The following KDM4B variants were observed in gnomAD, a reference collection of about 807,000 sequenced individuals.
KDM4B encodes lysine-specific demethylase 4B.
In KDM4B, 32 loss-of-function variants were observed where a neutral mutation model predicts 125.2. The ratio of observed to expected loss-of-function variants is 0.26; its 90% confidence interval spans 0.19 to 0.34. The LOEUF (loss-of-function observed/expected upper bound fraction) is 0.34, where lower values mean the gene tolerates loss of function less well. Among genes scored for constraint, KDM4B ranks in the 10% least tolerant of loss-of-function variants. The pLI is 1.00. For missense variants in KDM4B, 1,190 were observed against 1,577.7 expected, an observed-to-expected ratio of 0.75 and a Z score of 4.16; for synonymous variants, 721 against 677.9, an observed-to-expected ratio of 1.06 and a Z score of -0.99.
At chr19:5,048,605 G>C (rs536021031) in intron 6 of KDM4B, among the ~76,000 whole-genome samples, 12 of 152,226 alleles carry the variant, frequency 7.9e-5, no homozygotes, top group East Asian at 3.9e-4. Flanking sequence ...CGGGGAGAGG[G>C]GGGGGCGGGG....
intron 2 of KDM4B, among the ~76,000 whole-genome samples, chr19:5,022,838 G>C (rs1178838695): frequency 6.6e-6 from 1 of 152,016 alleles, no homozygotes; most frequent in Non-Finnish European, 1.5e-5. Context: ...GGGGGGCTTG[G>C]AGGGATGTGG....
intron 2 of KDM4B, among the ~76,000 whole-genome samples, chr19:5,023,148 G>C (rs751207077): frequency 6.7e-5 from 10 of 150,228 alleles, no homozygotes; most frequent in Non-Finnish European, 1.2e-4. Flanking sequence ...GTGAGAGTCA[G>C]AGAGAGGCTG....
At chr19:5,069,083 T>TTATG (rs1281089359) in intron 6 of KDM4B, among the ~76,000 whole-genome samples, 1 of 152,164 alleles carries the variant, frequency 6.6e-6, no homozygotes, top group Non-Finnish European at 1.5e-5. Flanking sequence ...TTTCTCATCT[T>TTATG]TATGTAAATC....
At chr19:5,124,368 G>T (rs530769906) in intron 11 of KDM4B, among the ~76,000 whole-genome samples, 1 of 152,288 alleles carries the variant, frequency 6.6e-6, no homozygotes, top group East Asian at 1.9e-4. Context: ...GAGGAAAGTG[G>T]CCCAGTCCTG....
chr19:5,120,013 G>A (rs74790514), intron 11 of KDM4B, among the ~76,000 whole-genome samples, 161 bp downstream of exon 11: 4,820 of 152,288 alleles, frequency 0.032, 236 homozygotes, highest in African/African-American at 0.11. Context: ...AATAGACATC[G>A]TAAGGTGGAG....
At chr19:5,001,172 A>G (rs908560872) in intron 1 of KDM4B, among the ~76,000 whole-genome samples, 1 of 151,920 alleles carries the variant, frequency 6.6e-6, no homozygotes, top group Non-Finnish European at 1.5e-5. Flanking sequence ...AGCTGAGACC[A>G]CAGGTGTGTG....
chr19:5,057,140 A>C (rs2037436256), intron 6 of KDM4B, among the ~76,000 whole-genome samples: 1 of 150,284 alleles, frequency 6.7e-6, no homozygotes, highest in African/African-American at 2.5e-5. Flanking sequence ...CACGGCCCCC[A>C]CCTGTGCCTC....
rs866144369 is a variant in KDM4B at position 5,024,036 on chromosome 19, C to T, written c.-26+7697C>T. On this transcript the variant is annotated intron_variant, in intron 2 of 22. Transcript: ENST00000159111. The stretch of plus-strand genomic sequence containing the variant: ...ACAGTGCTGGGGTCACAGGCGTGAG[C>T]CCCTGCCCCTGGCCTTCTTATTTTT... 2.6e-5 allele frequency among the ~76,000 whole-genome samples: 4 copies of T among 152,204 alleles called. No individual in the cohort carries two copies. The Middle Eastern group carries it at 0.01, about 388-fold the overall frequency.
intron 1 of KDM4B, among the ~76,000 whole-genome samples, chr19:5,004,988 C>T (rs2035512469): frequency 6.6e-6 from 1 of 152,246 alleles, no homozygotes; most frequent in African/African-American, 2.4e-5. Flanking sequence ...TCTCCCACCC[C>T]TGGAAGTGGT....
chr19:5,113,750 C>T (rs1052653258), intron 10 of KDM4B: 18 of 302,444 alleles, frequency 6.0e-5, no homozygotes, highest in Non-Finnish European at 8.3e-5. Flanking sequence ...CCCTAGACAT[C>T]GCCCAGTCCC....
At chr19:5,071,183 G>A in intron 7 of KDM4B, 124 bp downstream of exon 7, 1 of 800,614 alleles carries the variant, frequency 1.2e-6, no homozygotes. Context: ...GGGGAGTGGT[G>A]ACATTCTTTG....
intron 15 of KDM4B, among the ~76,000 whole-genome samples, chr19:5,136,633 G>A (rs1215127578): frequency 6.6e-6 from 1 of 152,016 alleles, no homozygotes; most frequent in East Asian, 1.9e-4. Context: ...CCCAGCAGAC[G>A]CCCCCACCCC....
chr19:5,122,873 C>T (rs951622117), intron 11 of KDM4B, among the ~76,000 whole-genome samples: 3 of 152,260 alleles, frequency 2.0e-5, no homozygotes, highest in African/African-American at 7.2e-5. Context: ...GCCCTGGAAG[C>T]CGGTGCAGCG....
chr19:5,115,230 G>A lies in KDM4B; in HGVS notation c.1115+4412G>A, dbSNP rs575027890. ...GGCTGCAGGGGGAATGTACCACGGG[G>A]CCTCAGAAAGACACAGCGGGCAAAC... On this transcript the variant is annotated intron_variant, in intron 10 of 22. Transcript: ENST00000159111. This position sits in a 1 kb window ranked among gnomAD's most constrained non-coding sequence, Gnocchi z 4.2. Among the ~76,000 whole-genome samples the A allele has an allele frequency of 4.6e-5, 7 of 152,210 alleles. No homozygotes were observed. Among genetic ancestry groups the A allele is most frequent in the East Asian group, 3.9e-4 (2 of 5,164 alleles).
At position 5,078,913 on chromosome 19, in the gene KDM4B, CCT is replaced by C. The variant is rs1211771563; in HGVS notation, c.780+1444_780+1445del. ...TCCAGAGGCTGCCACAGTGAAGGCCCCTGTCCCACTGCAGCGAACAGCACCCT... is the reference window on the plus strand; with the variant it reads ...TCCAGAGGCTGCCACAGTGAAGGCCCGTCCCACTGCAGCGAACAGCACCCT... On this transcript the variant is annotated intron_variant, in intron 8 of 22. Coordinates refer to ENST00000159111, the MANE Select transcript of KDM4B (RefSeq NM_015015.3). The surrounding 1 kb of genome is among the most constrained non-coding windows in gnomAD (Gnocchi z 4.5). 6.6e-6 allele frequency: 1 copy of C among 152,152 alleles called. No homozygotes were observed. Among genetic ancestry groups the C allele is most frequent in the Non-Finnish European group, 1.5e-5 (1 of 68,060 alleles). 9.4% of individuals were successfully genotyped at this position (152,152 alleles called of 1,614,324 possible). A position where few individuals can be genotyped will look rare whatever the true frequency, so the allele number is the denominator to read the frequency against.
intron 2 of KDM4B, among the ~76,000 whole-genome samples, chr19:5,022,827 G>C (rs61315057): frequency 1.2e-4 from 18 of 151,898 alleles, no homozygotes; most frequent in Non-Finnish European, 2.4e-4. Flanking sequence ...CTCTCCAGGT[G>C]GGGGGGCTTG....
chr19:5,082,686 G>A lies in KDM4B; in HGVS notation c.918+182G>A, dbSNP rs994422019. ...TTTTGCCCAGAACGCTCCTTACCTC[G>A]AAGACTGGAGAGGAGGTGGGCAGGT... On this transcript the variant is annotated intron_variant, in intron 9 of 22. Transcript: ENST00000159111. The surrounding 1 kb of genome is among the most constrained non-coding windows in gnomAD (Gnocchi z 5.4). Among the ~76,000 whole-genome samples the A allele has an allele frequency of 6.6e-6, 1 of 152,174 alleles. No homozygotes were observed. Among genetic ancestry groups the A allele is most frequent in the Non-Finnish European group, 1.5e-5 (1 of 68,016 alleles).
intron 2 of KDM4B, among the ~76,000 whole-genome samples, chr19:5,031,519 T>C (rs1476531186): frequency 9.2e-5 from 14 of 152,198 alleles, no homozygotes; most frequent in Admixed American, 9.2e-4. Flanking sequence ...CCACGTGGGC[T>C]TGGAGCTGTG....
intron 1 of KDM4B, among the ~76,000 whole-genome samples, chr19:4,969,796 C>A (rs543450288): frequency 6.6e-6 from 1 of 151,606 alleles, no homozygotes; most frequent in Non-Finnish European, 1.5e-5. Context: ...ACTGCCCCCA[C>A]CTCCGGTCAA....
Sources: gnomAD v4.1 joint callset for allele counts (sites outside exome capture counted in the v4.1 genomes callset) on GRCh38, gnomAD v4.1.1 for gene constraint, Gnocchi (gnomAD v3.1) non-coding constraint, MANE v1.5 for transcripts, NCBI Gene and HGNC (gene_info 2026-07-23, HGNC 2026-07-21) for gene names.